SERPINB7: variants seen among roughly 807,000 people sequenced by gnomAD.
SERPINB7 encodes serpin family B member 7.
SERPINB7 carries 31 observed loss-of-function variants against 37.4 expected under a neutral mutation model. The observed-to-expected ratio is 0.83, with a 90% CI of 0.62 to 1.12. The LOEUF is 1.12. Among genes scored for constraint, SERPINB7 ranks in the 50% most tolerant of loss-of-function variants. The pLI is 0.00. For synonymous variants in SERPINB7, 163 were observed against 166.1 expected (o/e 0.98, Z 0.14); for missense variants, 521 against 455.3 (o/e 1.14, Z -1.31).
intron 1 of SERPINB7, among the ~76,000 whole-genome samples, chr18:63,755,536 T>C (rs965728887): frequency 6.6e-6 from 1 of 152,158 alleles, no homozygotes; most frequent in Admixed American, 6.5e-5. Flanking sequence ...AAAGTATCAT[T>C]TTAAAAGGTG....
intron 1 of SERPINB7, among the ~76,000 whole-genome samples, chr18:63,754,854 G>A (rs2049111211): frequency 1.4e-5 from 2 of 139,466 alleles, no homozygotes; most frequent in African/African-American, 5.2e-5. Context: ...CAATTTTCTA[G>A]TGCCCAGCAT....
intron 1 of SERPINB7, among the ~76,000 whole-genome samples, chr18:63,765,149 A>G (rs935557570): frequency 2.5e-4 from 38 of 152,150 alleles, no homozygotes; most frequent in Non-Finnish European, 4.9e-4. Flanking sequence ...AGCCATAAGC[A>G]CCTCAAACTT....
At chr18:63,792,526 G>T in intron 3 of SERPINB7, 83 bp downstream of exon 3, 1 of 904,014 alleles carries the variant, frequency 1.1e-6, no homozygotes, top group Non-Finnish European at 1.8e-6. Flanking sequence ...ACTTTGGAAG[G>T]CTGAGGCGGG....
At chr18:63,768,015 A>G (rs1311861257) in intron 1 of SERPINB7, among the ~76,000 whole-genome samples, 1 of 152,042 alleles carries the variant, frequency 6.6e-6, no homozygotes, top group East Asian at 1.9e-4. Context: ...TGAAGTCTGA[A>G]GGTCTCTTCC....
chr18:63,800,844 T>C, intron 6 of SERPINB7, 22 bp from the exon 7 acceptor site: 2 of 1,610,736 alleles, frequency 1.2e-6, no homozygotes, highest in Non-Finnish European at 1.7e-6. Flanking sequence ...TCATAAATAA[T>C]TTTTTGTGAC....
chr18:63,785,638 C>A (rs2049356257), intron 2 of SERPINB7, among the ~76,000 whole-genome samples: 3 of 151,874 alleles, frequency 2.0e-5, no homozygotes, highest in Admixed American at 6.6e-5. Context: ...GCCATGAAGG[C>A]TGCTCACCAT....
chr18:63,765,209 TAC>T, intron 1 of SERPINB7, among the ~76,000 whole-genome samples: 1 of 152,282 alleles, frequency 6.6e-6, no homozygotes, highest in Non-Finnish European at 1.5e-5. Context: ...AGAAAAATGT[TAC>T]AAACTCTTGT....
chr18:63,796,985 A>AT (rs1204469433), intron 5 of SERPINB7, among the ~76,000 whole-genome samples: 1 of 152,190 alleles, frequency 6.6e-6, no homozygotes, highest in African/African-American at 2.4e-5. Context: ...TATTTACCAA[A>AT]ATAATTTATG....
At chr18:63,765,645 T>C (rs762304935) in intron 1 of SERPINB7, among the ~76,000 whole-genome samples, 2 of 152,124 alleles carry the variant, frequency 1.3e-5, no homozygotes, top group Non-Finnish European at 2.9e-5. Context: ...TCTTTATTTC[T>C]AGAATGCTCT....
In SERPINB7 at chr18:63,791,846, G is replaced by A. The variant is rs182234587; in HGVS notation, c.169-547G>A. On this transcript the variant is annotated intron_variant, in intron 2 of 7. Coordinates refer to ENST00000398019, the MANE Select transcript of SERPINB7 (RefSeq NM_003784.4). ...AGGATGGTCTCGATCTCCTGACCTC[G>A]TGATCTGCCCGCCTTGGCCTCCCAA... Among the ~76,000 whole-genome samples the A allele has an allele frequency of 4.8e-3, 724 of 152,130 alleles. 33 individuals carry two copies. In the East Asian group the frequency reaches 0.11, roughly 23 times the overall value.
At chr18:63,760,513 G>T (rs1359160459) in intron 1 of SERPINB7, among the ~76,000 whole-genome samples, 1 of 152,222 alleles carries the variant, frequency 6.6e-6, no homozygotes, top group Non-Finnish European at 1.5e-5. Flanking sequence ...GTAGCAAGGA[G>T]CCTAATGTTA....
intron 1 of SERPINB7, among the ~76,000 whole-genome samples, chr18:63,764,575 C>G (rs570120643): frequency 6.6e-6 from 1 of 152,080 alleles, no homozygotes; most frequent in Admixed American, 6.6e-5. Flanking sequence ...TTAATAATTC[C>G]ACTATACTCT....
upstream of SERPINB7, among the ~76,000 whole-genome samples, chr18:63,773,106 C>A (rs1047697708): frequency 6.6e-6 from 1 of 151,986 alleles, no homozygotes; most frequent in Admixed American, 6.6e-5. Context: ...ACAAAGAATA[C>A]ATCAAGAAGT....
upstream of SERPINB7, among the ~76,000 whole-genome samples, chr18:63,773,927 G>A (rs957639318): frequency 6.6e-6 from 1 of 152,096 alleles, no homozygotes; most frequent in Non-Finnish European, 1.5e-5. Context: ...CAGTATGTGT[G>A]TCACGTGGGT....
In SERPINB7 at chr18:63,755,540, A is replaced by T. The variant is rs141002623; in HGVS notation, c.-19+2420A>T. Among the ~76,000 whole-genome samples the T allele has an allele frequency of 2.3e-3, 345 of 152,266 alleles. 5 individuals carry two copies. Among genetic ancestry groups the T allele is most frequent in the Admixed American group, 0.017 (263 of 15,296 alleles). Reference sequence around the variant, plus strand: ...ATTCGCTTGAAAAAGTATCATTTTAAAAGGTGAATTAGTGAGGCAAGCTAT... The same window carrying T: ...ATTCGCTTGAAAAAGTATCATTTTATAAGGTGAATTAGTGAGGCAAGCTAT... On this transcript the variant is annotated intron_variant, in intron 1 of 7. Transcript: ENST00000336429.
intron 1 of SERPINB7, among the ~76,000 whole-genome samples, chr18:63,758,985 C>T (rs1022738634): frequency 6.6e-6 from 1 of 152,060 alleles, no homozygotes; most frequent in Non-Finnish European, 1.5e-5. Context: ...AAATGTGGAC[C>T]CACTTCTTGG....
chr18:63,786,027 C>T (rs1044484576), intron 2 of SERPINB7, among the ~76,000 whole-genome samples: 12 of 115,840 alleles, frequency 1.0e-4, no homozygotes, highest in Admixed American at 6.4e-4. Flanking sequence ...ATATAATATA[C>T]GTATATATAC....
chr18:63,772,152 C>T (rs1048872391), upstream of SERPINB7, among the ~76,000 whole-genome samples: 1 of 151,962 alleles, frequency 6.6e-6, no homozygotes, highest in Non-Finnish European at 1.5e-5. Flanking sequence ...ACAACACAAA[C>T]TTTCTGAGTC....
chr18:63,771,104 T>C (rs973137965), upstream of SERPINB7, among the ~76,000 whole-genome samples: 5 of 151,922 alleles, frequency 3.3e-5, no homozygotes, highest in Admixed American at 2.6e-4. Flanking sequence ...AATGTGAACA[T>C]GTACAAGAAA....
Sources: allele counts gnomAD v4.1 joint callset (sites outside exome capture counted in the v4.1 genomes callset), GRCh38; gene constraint gnomAD v4.1.1; transcripts MANE v1.5; gene names NCBI Gene and HGNC (gene_info 2026-07-23, HGNC 2026-07-21).